Variants in RGS7 observed in about 807,000 individuals in gnomAD.
RGS7 encodes the protein regulator of G-protein signaling 7.
A neutral mutation model predicts 81.1 loss-of-function variants in RGS7; 27 were observed. That is an observed-to-expected ratio of 0.33 (90% CI 0.25 to 0.46). The LOEUF is 0.46. RGS7 is among the 20% of genes least tolerant of loss of function. The probability of loss-of-function intolerance (pLI) is 1.00; values close to 1 mark genes in which losing one functional copy is unlikely to be tolerated. For synonymous variants in RGS7, 208 were observed against 207.7 expected, an observed-to-expected ratio of 1.00 and a Z score of -0.01; for missense variants, 396 against 607.4, an observed-to-expected ratio of 0.65 and a Z score of 3.66.
rs116228068 is a variant in RGS7, at chr1:241,037,966, G to A, written c.176-54837C>T. Among the ~76,000 whole-genome samples, 591 of 152,250 alleles carry A rather than the reference G, an allele frequency of 3.9e-3. 6 individuals are homozygous for A. Among genetic ancestry groups the A allele is most frequent in the African/African-American group, 0.014 (577 of 41,536 alleles). On this transcript the variant is annotated intron_variant, in intron 3 of 18. Transcript: ENST00000440928. Reference sequence around the variant, plus strand: ...TACAGTGGACTTTGGGGACATGGGAGGAGGTGGGATTGAAGGATAAAAGAC... The same window carrying A: ...TACAGTGGACTTTGGGGACATGGGAAGAGGTGGGATTGAAGGATAAAAGAC...
intron 3 of RGS7, among the ~76,000 whole-genome samples, chr1:241,017,501 T>C (rs2059319064): frequency 1.3e-5 from 2 of 151,978 alleles, no homozygotes; most frequent in South Asian, 4.1e-4. Context: ...AATTATGCCT[T>C]TTTTTTATGT....
chr1:241,267,711 T>C (rs2077666335), intron 2 of RGS7, among the ~76,000 whole-genome samples: 1 of 152,208 alleles, frequency 6.6e-6, no homozygotes, highest in South Asian at 2.1e-4. Context: ...TTCAACTTTA[T>C]TGTTAAATTC....
chr1:240,809,687 A>C (rs892099335), intron 14 of RGS7, among the ~76,000 whole-genome samples: 22 of 152,352 alleles, frequency 1.4e-4, no homozygotes, highest in African/African-American at 5.0e-4. Flanking sequence ...ATGATCAGAA[A>C]TAATGAATGC....
At chr1:240,915,946 T>C (rs1572743014) in intron 6 of RGS7, among the ~76,000 whole-genome samples, 1 of 151,162 alleles carries the variant, frequency 6.6e-6, no homozygotes, top group East Asian at 1.9e-4. Flanking sequence ...CAAACTGAAA[T>C]ACAAAGAGAA....
chr1:240,974,074 A>G (rs1224900350), intron 4 of RGS7, among the ~76,000 whole-genome samples: 1 of 152,224 alleles, frequency 6.6e-6, no homozygotes, highest in Non-Finnish European at 1.5e-5. Context: ...GACAGACTCT[A>G]TAATGGTGTG....
At chr1:240,788,928 A>C (rs918746852) in intron 18 of RGS7, among the ~76,000 whole-genome samples, 5 of 152,202 alleles carry the variant, frequency 3.3e-5, no homozygotes, top group Admixed American at 6.5e-5. Flanking sequence ...ACTTGAGGTC[A>C]GGCATTTGAG....
At chr1:240,782,238 T>C (rs905639650) in intron 18 of RGS7, among the ~76,000 whole-genome samples, 3 of 152,146 alleles carry the variant, frequency 2.0e-5, no homozygotes, top group Non-Finnish European at 4.4e-5. Context: ...TCCACTGCAA[T>C]GTATTAAGTT....
intron 3 of RGS7, among the ~76,000 whole-genome samples, chr1:241,008,089 G>A (rs938779885): frequency 2.0e-5 from 3 of 152,042 alleles, no homozygotes; most frequent in Non-Finnish European, 1.5e-5. Context: ...TGTATGCAAA[G>A]ATCCGTCCCT....
intron 4 of RGS7, among the ~76,000 whole-genome samples, chr1:240,954,965 G>C (rs567156136): frequency 7.2e-5 from 11 of 152,208 alleles, no homozygotes; most frequent in East Asian, 5.8e-4. Flanking sequence ...TCAACAATTG[G>C]AACTTGAATT....
chr1:241,285,106 G>A lies in RGS7; in HGVS notation c.78+70593C>T, dbSNP rs141534835. Among the ~76,000 whole-genome samples, 1,158 of 152,096 alleles carry A rather than the reference G, an allele frequency of 7.6e-3. 6 individuals are homozygous for A. The highest frequency in any genetic ancestry group is 0.013 in the Non-Finnish European group (870 of 68,000). ...AGGATGGTCTCGATCTCCTGACTTCGTGATCCACCCGCCTCAGCCTCCCAA... is the reference window on the plus strand; with the variant it reads ...AGGATGGTCTCGATCTCCTGACTTCATGATCCACCCGCCTCAGCCTCCCAA... On this transcript the variant is annotated intron_variant, in intron 2 of 18. Transcript: ENST00000440928.
rs184917270 is a variant in RGS7 at position 240,866,633 on chromosome 1, C to T, written c.609+1954G>A. Among the ~76,000 whole-genome samples the T allele has an allele frequency of 1.1e-4, 17 of 152,150 alleles. No homozygotes were observed. In the East Asian group the frequency reaches 2.7e-3, roughly 24 times the overall value. On this transcript the variant is annotated intron_variant, in intron 9 of 18. Coordinates refer to ENST00000440928, the MANE Select transcript of RGS7 (RefSeq NM_001364886.1). The stretch of plus-strand genomic sequence containing the variant: ...AGCCTAGTGAAGGATGTGGTGGAGG[C>T]CTCTTGGATAACACTCATATGTGCT...
chr1:240,917,430 G>T (rs1672786157), intron 6 of RGS7, among the ~76,000 whole-genome samples: 1 of 152,118 alleles, frequency 6.6e-6, no homozygotes, highest in Non-Finnish European at 1.5e-5. Flanking sequence ...GCAATTGGTG[G>T]TTATAGCCTA....
At position 240,816,297 on chromosome 1, in the gene RGS7, C is replaced by G; in HGVS notation, c.783+20G>C. 6.7e-7 allele frequency: 1 copy of G among 1,486,366 alleles called. No individual in the cohort carries two copies. Among genetic ancestry groups the G allele is most frequent in the Non-Finnish European group, 9.4e-7 (1 of 1,063,432 alleles). 92.1% of individuals were successfully genotyped at this position (1,486,366 alleles called of 1,614,324 possible). ...GTTACTCTGTAAACCTTTAACAGGT[C>G]ATCTCATAGGTTGACTCACCTGTTG... On this transcript the variant is annotated intron_variant, in intron 11 of 18. Coordinates refer to ENST00000440928, the MANE Select transcript of RGS7 (RefSeq NM_001364886.1).
intron 6 of RGS7, among the ~76,000 whole-genome samples, chr1:240,881,129 G>A (rs1162127728): frequency 1.3e-5 from 2 of 152,104 alleles, no homozygotes; most frequent in Non-Finnish European, 2.9e-5. Flanking sequence ...AGATAATTAT[G>A]TTCTTTAAAA....
intron 18 of RGS7, 105 bp from the exon 19 acceptor site, chr1:240,776,318 G>A: frequency 3.6e-6 from 3 of 842,242 alleles, no homozygotes; most frequent in Non-Finnish European, 6.2e-6. Flanking sequence ...TTTGTGCAAG[G>A]TCAACACTGA....
At chr1:241,223,092 T>C (rs1414702517) in intron 2 of RGS7, among the ~76,000 whole-genome samples, 1 of 152,200 alleles carries the variant, frequency 6.6e-6, no homozygotes, top group African/African-American at 2.4e-5. Context: ...ACATATAGTT[T>C]CCCAAGCCAT....
In RGS7 at chr1:240,892,762, C is replaced by T. The variant is rs1002666795; in HGVS notation, c.386-22643G>A. Among the ~76,000 whole-genome samples, 7 of 152,156 alleles carry T rather than the reference C, an allele frequency of 4.6e-5. No individual in the cohort carries two copies. In the East Asian group the frequency reaches 5.8e-4, roughly 13 times the overall value. On this transcript the variant is annotated intron_variant, in intron 6 of 18. Transcript: ENST00000440928. ...TTCCTCACTTCTATTTTCCATGAGCCGTGTTCTGTTTTCTGTCCATAAATC... is the reference window on the plus strand; with the variant it reads ...TTCCTCACTTCTATTTTCCATGAGCTGTGTTCTGTTTTCTGTCCATAAATC...
At chr1:241,179,290 G>A (rs920090844) in intron 2 of RGS7, among the ~76,000 whole-genome samples, 2 of 152,104 alleles carry the variant, frequency 1.3e-5, no homozygotes, top group African/African-American at 4.8e-5. Flanking sequence ...ATAGAGACGG[G>A]GTTTCACCAT....
At chr1:241,179,122 T>G (rs2071393817) in intron 2 of RGS7, among the ~76,000 whole-genome samples, 1 of 152,154 alleles carries the variant, frequency 6.6e-6, no homozygotes, top group Non-Finnish European at 1.5e-5. Context: ...TGAGACAGAG[T>G]CTCACTCTGT....
Sources: gnomAD v4.1 joint callset for allele counts (sites outside exome capture counted in the v4.1 genomes callset) on GRCh38, gnomAD v4.1.1 for gene constraint, MANE v1.5 for transcripts, NCBI Gene and HGNC (gene_info 2026-07-23, HGNC 2026-07-21) for gene names.